CADM2: variants seen among roughly 807,000 people sequenced by gnomAD.
CADM2 encodes cell adhesion molecule 2, also known as immunoglobulin superfamily member 4D.
A neutral mutation model predicts 49.8 loss-of-function variants in CADM2; 12 were observed. The observed-to-expected ratio is 0.24, with a 90% CI of 0.15 to 0.39. The LOEUF (loss-of-function observed/expected upper bound fraction) is 0.39, where lower values mean the gene tolerates loss of function less well. Among genes scored for constraint, CADM2 ranks in the 10% least tolerant of loss-of-function variants. CADM2 has a pLI of 1.00. For synonymous variants in CADM2, 214 were observed against 175.4 expected (o/e 1.22, Z -1.74); for missense variants, 378 against 492.3 (o/e 0.77, Z 2.20).
intron 8 of CADM2, among the ~76,000 whole-genome samples, chr3:85,997,618 T>C (rs1162548241): frequency 6.6e-6 from 1 of 152,212 alleles, no homozygotes; most frequent in Non-Finnish European, 1.5e-5. Context: ...CTATGTTTGA[T>C]GAATTTTAGA....
chr3:85,554,191 C>CATT (rs1336470928), intron 1 of CADM2, among the ~76,000 whole-genome samples: 9 of 152,064 alleles, frequency 5.9e-5, no homozygotes, highest in African/African-American at 2.2e-4. Context: ...CATCATCAGG[C>CATT]ATTAGTTAGA....
chr3:85,704,283 A>G (rs903833476), intron 1 of CADM2, among the ~76,000 whole-genome samples: 9 of 152,348 alleles, frequency 5.9e-5, no homozygotes, highest in African/African-American at 1.9e-4. Context: ...GGAAACAGAT[A>G]ATTTCTATGC....
chr3:85,376,879 T>A (rs1209429568), intron 1 of CADM2, among the ~76,000 whole-genome samples: 1 of 152,106 alleles, frequency 6.6e-6, no homozygotes, highest in Non-Finnish European at 1.5e-5. Context: ...CGGTTTTCAA[T>A]GAACTAAAAT....
chr3:85,762,112 C>G (rs560728082), intron 2 of CADM2, among the ~76,000 whole-genome samples: 1 of 152,050 alleles, frequency 6.6e-6, no homozygotes, highest in Non-Finnish European at 1.5e-5. Context: ...CAAACAAACA[C>G]GGGAAATCCT....
chr3:85,693,973 A>T (rs2066472455), intron 1 of CADM2, among the ~76,000 whole-genome samples: 1 of 151,824 alleles, frequency 6.6e-6, no homozygotes, highest in Non-Finnish European at 1.5e-5. Flanking sequence ...ATATTTTTTG[A>T]AAAATGCATA....
chr3:85,107,819 C>T (rs1465858872), intron 1 of CADM2, among the ~76,000 whole-genome samples: 1 of 151,248 alleles, frequency 6.6e-6, no homozygotes, highest in Non-Finnish European at 1.5e-5. Context: ...CCTGCCTCAG[C>T]CTCCCTAGTA....
At chr3:85,783,211 A>G (rs751817494) in intron 2 of CADM2, among the ~76,000 whole-genome samples, 1 of 152,214 alleles carries the variant, frequency 6.6e-6, no homozygotes, top group Non-Finnish European at 1.5e-5. Context: ...TTAGATTTAT[A>G]TACTTAAGAT....
chr3:85,551,730 G>C (rs1484264814), intron 1 of CADM2, among the ~76,000 whole-genome samples: 5 of 152,058 alleles, frequency 3.3e-5, no homozygotes. Context: ...CCTTTTTCGA[G>C]TACCTTATTG....
At chr3:85,364,651 T>C (rs1165935451) in intron 1 of CADM2, among the ~76,000 whole-genome samples, 2 of 152,174 alleles carry the variant, frequency 1.3e-5, no homozygotes, top group Non-Finnish European at 2.9e-5. Context: ...ATTTTTTCAC[T>C]TTAAAGCAAT....
chr3:85,714,795 A>C (rs1038852319), intron 1 of CADM2, among the ~76,000 whole-genome samples: 1 of 152,090 alleles, frequency 6.6e-6, no homozygotes, highest in South Asian at 2.1e-4. Flanking sequence ...TCCCCTCGTT[A>C]AGATGATGCT....
intron 7 of CADM2, among the ~76,000 whole-genome samples, chr3:85,947,373 AT>A (rs1413502290): frequency 6.6e-6 from 1 of 151,348 alleles, no homozygotes; most frequent in African/African-American, 2.4e-5. Context: ...GAGCATTTAG[AT>A]TGGGATGTGT....
At chr3:85,086,954 T>C (rs1257461390) in intron 1 of CADM2, among the ~76,000 whole-genome samples, 2 of 152,198 alleles carry the variant, frequency 1.3e-5, no homozygotes, top group African/African-American at 4.8e-5. Flanking sequence ...TGTACAGTTT[T>C]CTGAGAATCA....
At position 85,656,339 on chromosome 3, in the gene CADM2, G is replaced by A. The variant is rs146792593; in HGVS notation, c.62-70183G>A. On this transcript the variant is annotated intron_variant, in intron 1 of 9. Transcript: ENST00000383699. ...AGCTTTAAAATATTTAAGAAAAGCCGGGCGCAGTGGCTCACGCCTGTAATC... is the reference window on the plus strand; with the variant it reads ...AGCTTTAAAATATTTAAGAAAAGCCAGGCGCAGTGGCTCACGCCTGTAATC... Among the ~76,000 whole-genome samples, 490 of 152,070 alleles carry A rather than the reference G, an allele frequency of 3.2e-3. 3 individuals are homozygous for A. The highest frequency in any genetic ancestry group is 0.011 in the African/African-American group (465 of 41,508).
At chr3:85,323,167 C>T (rs573877687) in intron 1 of CADM2, among the ~76,000 whole-genome samples, 1 of 152,244 alleles carries the variant, frequency 6.6e-6, no homozygotes, top group African/African-American at 2.4e-5. Flanking sequence ...CCTCACTTGT[C>T]ACTCAGTCTA....
At chr3:85,413,275 T>G (rs796468725) in intron 1 of CADM2, among the ~76,000 whole-genome samples, 1 of 151,420 alleles carries the variant, frequency 6.6e-6, no homozygotes, top group East Asian at 1.9e-4. Context: ...ATACATTATA[T>G]AGGTACACAT....
chr3:86,066,829 A>C lies in CADM2; in HGVS notation c.*46A>C, dbSNP rs776310581. 1.5e-5 allele frequency: 20 copies of C among 1,299,494 alleles called. No individual in the cohort carries two copies. In the South Asian group the frequency reaches 2.4e-4, roughly 15 times the overall value. 80.5% of individuals were successfully genotyped at this position (1,299,494 alleles called of 1,614,324 possible). On this transcript the variant is annotated 3_prime_UTR_variant, in exon 10 of 10. Coordinates refer to ENST00000383699, the MANE Select transcript of CADM2 (RefSeq NM_001167675.2). ...GTTTTACTACCAGGCTGAATGCTGG[A>C]GAAAACTGGCTATCATCTTTCAGAA...
chr3:85,207,275 A>T (rs2041669146), intron 1 of CADM2, among the ~76,000 whole-genome samples: 1 of 152,130 alleles, frequency 6.6e-6, no homozygotes, highest in South Asian at 2.1e-4. Flanking sequence ...TGTCTGTTCC[A>T]AATCTCTCAG....
chr3:85,136,687 T>C (rs2039422468), intron 1 of CADM2, among the ~76,000 whole-genome samples: 1 of 151,944 alleles, frequency 6.6e-6, no homozygotes, highest in Admixed American at 6.6e-5. Flanking sequence ...AGCAAGTTAC[T>C]TAAGAATGCA....
At chr3:85,766,341 T>C (rs2069656152) in intron 2 of CADM2, among the ~76,000 whole-genome samples, 1 of 152,118 alleles carries the variant, frequency 6.6e-6, no homozygotes, top group African/African-American at 2.4e-5. Flanking sequence ...TATTAATAGT[T>C]ATGTCAGGGC....
Sources: allele counts gnomAD v4.1 joint callset (sites outside exome capture counted in the v4.1 genomes callset), GRCh38; gene constraint gnomAD v4.1.1; transcripts MANE v1.5; gene names NCBI Gene and HGNC (gene_info 2026-07-23, HGNC 2026-07-21).